Variants in KCTD14 observed in about 807,000 individuals in gnomAD.
The protein encoded by KCTD14 is BTB/POZ domain-containing protein KCTD14.
In KCTD14, 7 loss-of-function variants were observed where a neutral mutation model predicts 5.9. That is an observed-to-expected ratio of 1.19 (90% CI 0.68 to 2.23). The LOEUF (loss-of-function observed/expected upper bound fraction) is 2.23. Among genes scored for constraint, KCTD14 ranks in the 30% most tolerant of loss-of-function variants. KCTD14 has a pLI of 0.00. For synonymous variants in KCTD14, 140 were observed against 133.1 expected, an observed-to-expected ratio of 1.05 and a Z score of -0.36; for missense variants, 342 against 332.2, an observed-to-expected ratio of 1.03 and a Z score of -0.23.
At chr11:78,023,093 G>T in intron 1 of KCTD14, 67 bp downstream of exon 1, 1 of 1,083,782 alleles carries the variant, frequency 9.2e-7, no homozygotes, top group Non-Finnish European at 1.3e-6. Context: ...AAACTGGAAG[G>T]GAGGGAAGAG....
intron 2 of KCTD14, among the ~76,000 whole-genome samples, chr11:78,031,046 GT>G (rs11342063): frequency 0.14 from 19,022 of 131,250 alleles, 939 homozygotes; most frequent in Admixed American, 0.25. Context: ...GCAAGTAATG[GT>G]TTTTTTTTTT....
chr11:78,017,925 T>G (rs1284805476), intron 1 of KCTD14, among the ~76,000 whole-genome samples: 1 of 151,312 alleles, frequency 6.6e-6, no homozygotes, highest in Non-Finnish European at 1.5e-5. Flanking sequence ...GGCAAAACCC[T>G]GTTTCTACTA....
At chr11:78,019,026 CT>C (rs750759055) in intron 1 of KCTD14, among the ~76,000 whole-genome samples, 1,581 of 140,290 alleles carry the variant, frequency 0.011, 24 homozygotes, top group African/African-American at 0.035. Context: ...TTTTTCTTTT[CT>C]TTTTTTTTTT....
chr11:78,039,084 A>AC (rs533550849), intron 1 of KCTD14, among the ~76,000 whole-genome samples: 13 of 151,716 alleles, frequency 8.6e-5, no homozygotes, highest in South Asian at 4.2e-4. Flanking sequence ...AAAAAAAAAA[A>AC]ACACAAAAAA....
In KCTD14 at chr11:78,015,947, T is replaced by C. The variant is rs776908826; in HGVS notation, c.*646A>G. On this transcript the variant is annotated 3_prime_UTR_variant, in exon 2 of 2. Transcript: ENST00000353172. ...TCTAGAGATGGTCTCAAAATTAGAA[T>C]ACATCAAAATCACTTGGAGGGTTTG... 1 of 152,268 alleles carries C rather than the reference T, an allele frequency of 6.6e-6. No homozygotes were observed. Among genetic ancestry groups the C allele is most frequent in the Non-Finnish European group, 1.5e-5 (1 of 68,078 alleles). The allele number at this position is 152,268 out of a possible 1,614,324, so 9.4% of individuals were successfully genotyped here.
At chr11:78,023,065 G>T in intron 1 of KCTD14, 95 bp downstream of exon 1, 1 of 846,180 alleles carries the variant, frequency 1.2e-6, no homozygotes, top group Non-Finnish European at 1.8e-6. Flanking sequence ...TCGGGCGTCT[G>T]GGAGGGACGG....
Position 78,016,860 on chromosome 11 carries a change from G to T in KCTD14, c.501C>A (p.Ser167Arg), listed in dbSNP as rs369393174. 8 of 1,614,094 alleles carry T rather than the reference G, an allele frequency of 5.0e-6. No individual in the cohort carries two copies. The highest frequency in any genetic ancestry group is 4.4e-5 in the South Asian group (4 of 91,094). The change falls in exon 2 of 2, where the codon AGC becomes AGA. Residue 167 changes from serine (S) to arginine (R), a missense_variant. By Grantham distance (110) the Ser-to-Arg change is moderately radical (BLOSUM62 -1). Transcript: ENST00000353172. The stretch of plus-strand genomic sequence containing the variant: ...CAGTTTCCACCAGGCACACAAGCAC[G>T]CTGGACTTCCGTGCTGTTATGGCTT... ...RAEAITARKS[S>R]VLVCLVETEE...
At chr11:78,019,515 C>G (rs1272063377) in intron 1 of KCTD14, among the ~76,000 whole-genome samples, 2 of 152,052 alleles carry the variant, frequency 1.3e-5, no homozygotes, top group African/African-American at 4.8e-5. Flanking sequence ...ACGGGTCTTA[C>G]TATGTTGCCC....
intron 1 of KCTD14, among the ~76,000 whole-genome samples, chr11:78,039,535 A>G (rs898434734): frequency 7.0e-6 from 1 of 142,212 alleles, no homozygotes; most frequent in East Asian, 2.1e-4. Flanking sequence ...TCTCAAAAAG[A>G]AAAAAAAAAA....
chr11:78,023,395 TG>T (rs1394551270), upstream of KCTD14: 1 of 744,426 alleles, frequency 1.3e-6, no homozygotes, highest in Admixed American at 2.7e-5. Flanking sequence ...TCTGTCTATT[TG>T]GGGCTTCTAA....
chr11:78,025,069 C>T (rs111964271), upstream of KCTD14, among the ~76,000 whole-genome samples: 9,892 of 144,894 alleles, frequency 0.068, 1,205 homozygotes, highest in African/African-American at 0.24. Context: ...TATATACACA[C>T]ACACATATAT....
chr11:78,019,386 A>G (rs1242168671), intron 1 of KCTD14, among the ~76,000 whole-genome samples: 2 of 152,048 alleles, frequency 1.3e-5, no homozygotes, highest in African/African-American at 4.8e-5. Context: ...TGGCATGATC[A>G]TAACTCACTG....
intron 2 of KCTD14, among the ~76,000 whole-genome samples, chr11:78,030,940 C>A (rs1229210069): frequency 6.6e-6 from 1 of 152,020 alleles, no homozygotes; most frequent in Non-Finnish European, 1.5e-5. Context: ...ATATGCAAGT[C>A]TGTAGAGAAT....
chr11:78,039,609 GA>G (rs550531395), intron 1 of KCTD14, among the ~76,000 whole-genome samples: 6 of 150,218 alleles, frequency 4.0e-5, no homozygotes, highest in Non-Finnish European at 1.5e-5. Context: ...CTCTACAAAA[GA>G]AAAAAAAATA....
intron 1 of KCTD14, among the ~76,000 whole-genome samples, chr11:78,022,507 G>A (rs888909350): frequency 6.6e-6 from 1 of 152,130 alleles, no homozygotes; most frequent in Non-Finnish European, 1.5e-5. Context: ...AGAGAGCCAC[G>A]CTGCCCTGCT....
Position 78,015,992 on chromosome 11 carries a change from C to T in KCTD14, c.*601G>A, listed in dbSNP as rs72943021. 0.096 allele frequency: 14,620 copies of T among 152,420 alleles called. 828 individuals are homozygous for T. The highest frequency in any genetic ancestry group is 0.14 in the Middle Eastern group (41 of 292). 9.4% of individuals were successfully genotyped at this position (152,420 alleles called of 1,614,324 possible). On this transcript the variant is annotated 3_prime_UTR_variant, in exon 2 of 2. Transcript: ENST00000353172. ...GGTTTGGTAAATCAGAATGCTGTGC[C>T]AACCCCCAGAGATTCTGATTCAGTA... is the stretch of plus-strand genomic sequence containing the variant.
At position 78,017,125 on chromosome 11, in the gene KCTD14, A is replaced by G; in HGVS notation, c.236T>C (p.Ile79Thr). The G allele has an allele frequency of 1.2e-6, 2 of 1,614,164 alleles. No homozygotes were observed. The highest frequency in any genetic ancestry group is 1.7e-6 in the Non-Finnish European group (2 of 1,180,026). ...TCTGAAATAGGTGCTGGGGCGGTCG[A>G]TGAAGAAGCGGCCCTCCGCGTCCGT... ...ASTDAEGRFF[I>T]DRPSTYFRPI... Residue 79 changes from isoleucine (I) to threonine (T), a missense_variant, in exon 2 of 2, where the codon ATC (isoleucine) becomes ACC (threonine). Physicochemically the swap from Ile to Thr is moderately conservative, Grantham distance 89. Transcript: ENST00000353172.
intron 2 of KCTD14, among the ~76,000 whole-genome samples, chr11:78,033,901 G>GTGTGTGTATATATATATATATATA: frequency 1.1e-3 from 122 of 115,558 alleles, no homozygotes; most frequent in African/African-American, 4.0e-3. Context: ...GTGTGTGTGT[G>GTGTGTGTATATATATATATATATA]TATATATATA....
chr11:78,028,681 C>G (rs549786245), intron 2 of KCTD14, among the ~76,000 whole-genome samples: 2 of 151,518 alleles, frequency 1.3e-5, no homozygotes, highest in South Asian at 4.2e-4. Context: ...TGACTCACAC[C>G]TGTGATCGCA....
Sources: gnomAD v4.1 joint callset for allele counts (sites outside exome capture counted in the v4.1 genomes callset) on GRCh38, gnomAD v4.1.1 for gene constraint, MANE v1.5 for transcripts, NCBI Gene and HGNC (gene_info 2026-07-23, HGNC 2026-07-21) for gene names.